Variants in CES5A observed in about 807,000 individuals in gnomAD.
The protein encoded by CES5A is carboxylesterase 5.
In CES5A, 67 loss-of-function variants were observed where a neutral mutation model predicts 62.9. The ratio of observed to expected loss-of-function variants is 1.07; its 90% CI spans 0.88 to 1.31. The LOEUF (loss-of-function observed/expected upper bound fraction) is 1.31. Ranked by LOEUF, CES5A falls within the 50% of genes most tolerant of loss-of-function variation. The probability of loss-of-function intolerance (pLI) is 0.00; values close to 1 mark genes in which losing one functional copy is unlikely to be tolerated. For missense variants in CES5A, 748 were observed against 708.5 expected, an observed-to-expected ratio of 1.06 and a Z score of -0.63; for synonymous variants, 296 against 280.8, an observed-to-expected ratio of 1.05 and a Z score of -0.54.
At chr16:55,952,426 C>T (rs972271568) in intron 1 of CES5A, among the ~76,000 whole-genome samples, 2 of 107,914 alleles carry the variant, frequency 1.9e-5, no homozygotes, top group Admixed American at 8.4e-5. Flanking sequence ...AGATAAAATG[C>T]AAAAATTAAC....
intron 2 of CES5A, among the ~76,000 whole-genome samples, chr16:55,938,805 T>C (rs749120931): frequency 0.011 from 609 of 55,028 alleles, 9 homozygotes; most frequent in Non-Finnish European, 0.021. Flanking sequence ...TATACACACA[T>C]ATATATATAT....
chr16:55,849,790 G>T lies in CES5A; in HGVS notation c.1274-17C>A, dbSNP rs1189821331. ...CACCAGCATCTGACAAAAGGTCAGG[G>T]AAGGTCAGGCATGCATGCAGCGCGG... On this transcript the variant is annotated splice_polypyrimidine_tract_variant and intron_variant, in intron 10 of 12. Transcript: ENST00000290567. 1 of 1,612,948 alleles carries T rather than the reference G, an allele frequency of 6.2e-7. No homozygotes were observed. Among genetic ancestry groups the T allele is most frequent in the East Asian group, 2.2e-5 (1 of 44,862 alleles).
chr16:55,856,476 A>C (rs1484023928), intron 8 of CES5A, 31 bp from the exon 9 acceptor site: 1 of 1,609,314 alleles, frequency 6.2e-7, no homozygotes. Context: ...TCTGTAAGCC[A>C]TCTGGTCATG....
At position 55,859,722 on chromosome 16, in the gene CES5A, C is replaced by G. The variant is rs545763117; in HGVS notation, c.916-35G>C. 1.9e-6 allele frequency: 3 copies of G among 1,587,074 alleles called. No individual in the cohort carries two copies. The African/African-American group carries it at 4.1e-5, about 22-fold the overall frequency. On this transcript the variant is annotated intron_variant, in intron 7 of 12. Transcript: ENST00000290567. ...GGAAGAAAAAAAAATCATCAGCTAT[C>G]ATCAGCTATTTCTGTTCACAAAATC...
At chr16:55,906,445 C>G (rs995260478) in intron 1 of CES5A, among the ~76,000 whole-genome samples, 1 of 152,180 alleles carries the variant, frequency 6.6e-6, no homozygotes, top group Admixed American at 6.5e-5. Flanking sequence ...AAAGATGTCT[C>G]CATTCAGTGA....
chr16:55,922,798 CA>C (rs574756808), intron 1 of CES5A, among the ~76,000 whole-genome samples: 2 of 151,908 alleles, frequency 1.3e-5, no homozygotes, highest in South Asian at 4.2e-4. Flanking sequence ...GGTGATAAAA[CA>C]AGTCTCAATA....
intron 9 of CES5A, among the ~76,000 whole-genome samples, chr16:55,854,531 C>CTTTTTTTTTTTT (rs763141152): frequency 1.9e-5 from 1 of 52,164 alleles, no homozygotes; most frequent in African/African-American, 9.0e-5. Context: ...TGTAGTGTTT[C>CTTTTTTTTTTTT]TTTTTTTTTT....
intron 2 of CES5A, among the ~76,000 whole-genome samples, chr16:55,943,728 A>C (rs772463133): frequency 6.6e-6 from 1 of 152,180 alleles, no homozygotes; most frequent in Non-Finnish European, 1.5e-5. Flanking sequence ...ATCTGTTTGA[A>C]ACAGTGCAGG....
chr16:55,901,684 A>C (rs886608849), intron 1 of CES5A, among the ~76,000 whole-genome samples: 8 of 152,132 alleles, frequency 5.3e-5, no homozygotes, highest in African/African-American at 1.9e-4. Context: ...GACTGGAATC[A>C]CCTGCCAAGG....
chr16:55,945,009 G>A (rs1162088818), intron 2 of CES5A, among the ~76,000 whole-genome samples: 2 of 152,108 alleles, frequency 1.3e-5, no homozygotes, highest in Non-Finnish European at 2.9e-5. Context: ...GATTTGAACC[G>A]GTCACTCAAG....
chr16:55,886,979 A>C (rs2033823052), intron 1 of CES5A, among the ~76,000 whole-genome samples: 1 of 152,144 alleles, frequency 6.6e-6, no homozygotes, highest in Non-Finnish European at 1.5e-5. Flanking sequence ...ATCCACTGGA[A>C]ACAGCATAAT....
At position 55,875,200 on chromosome 16, in the gene CES5A, G is replaced by C; in HGVS notation, c.22C>G (p.Pro8Ala). The change falls in exon 1 of 13, where the codon CCA becomes GCA. Residue 8 changes from proline to alanine, a missense_variant. Physicochemically the swap from Pro to Ala is conservative, Grantham distance 27. Coordinates refer to ENST00000290567, the MANE Select transcript of CES5A (RefSeq NM_001143685.2). ...ATAGCCCAAATTAGGATCTGGCCTG[G>C]GTGCACCCAATTCCCACTCATTTGG... MSGNWVH[P>A]GQILIWAIWV... The C allele has an allele frequency of 6.2e-7, 1 of 1,613,830 alleles. No homozygotes were observed. The highest frequency in any genetic ancestry group is 8.5e-7 in the Non-Finnish European group (1 of 1,179,882).
At chr16:55,914,192 A>G (rs186709733) in intron 1 of CES5A, among the ~76,000 whole-genome samples, 1 of 152,320 alleles carries the variant, frequency 6.6e-6, no homozygotes, top group African/African-American at 2.4e-5. Context: ...TGGCAACCCT[A>G]CCCTTAATAT....
At chr16:55,854,536 T>TG (rs2033198186) in intron 9 of CES5A, among the ~76,000 whole-genome samples, 1 of 75,514 alleles carries the variant, frequency 1.3e-5, no homozygotes. Context: ...TGTTTCTTTT[T>TG]TTTTTTTCTT....
intron 2 of CES5A, among the ~76,000 whole-genome samples, chr16:55,944,717 G>A (rs1329681775): frequency 6.6e-6 from 1 of 152,152 alleles, no homozygotes; most frequent in Admixed American, 6.5e-5. Flanking sequence ...GGTCCTGCAG[G>A]CTCTGCCCCA....
rs532737820 is a variant in CES5A at position 55,865,274 on chromosome 16, T to TATATAG, written c.705+683_705+688dup. ...ATATATATAAAATACACTATACAAA[T>TATATAG]ATATAGATATAGATATAGATATATA... is the stretch of plus-strand genomic sequence containing the variant. On this transcript the variant is annotated intron_variant, in intron 5 of 12. Transcript: ENST00000290567. 9.8e-3 allele frequency among the ~76,000 whole-genome samples: 1,499 copies of TATATAG among 152,284 alleles called. 24 individuals carry two copies. Among genetic ancestry groups the TATATAG allele is most frequent in the African/African-American group, 0.031 (1,280 of 41,544 alleles).
chr16:55,857,313 T>C (rs868415957), intron 8 of CES5A, among the ~76,000 whole-genome samples: 1 of 152,232 alleles, frequency 6.6e-6, no homozygotes, highest in African/African-American at 2.4e-5. Flanking sequence ...GCTCTTACAA[T>C]GGTACTTGGT....
chr16:55,909,409 A>G (rs191616780), intron 1 of CES5A, among the ~76,000 whole-genome samples: 1 of 152,306 alleles, frequency 6.6e-6, no homozygotes, highest in East Asian at 1.9e-4. Context: ...AACAAATCAA[A>G]CCAAAAGCAA....
At chr16:55,894,286 A>G (rs1298493207) in intron 1 of CES5A, among the ~76,000 whole-genome samples, 1 of 152,086 alleles carries the variant, frequency 6.6e-6, no homozygotes, top group Non-Finnish European at 1.5e-5. Flanking sequence ...AGGCAGGCGG[A>G]TCATGAGGTC....
Sources: gnomAD v4.1 joint callset for allele counts (sites outside exome capture counted in the v4.1 genomes callset) on GRCh38, gnomAD v4.1.1 for gene constraint, MANE v1.5 for transcripts, NCBI Gene and HGNC (gene_info 2026-07-23, HGNC 2026-07-21) for gene names.